The following ZPLD1 variants were observed in gnomAD, a reference collection of about 807,000 sequenced individuals.
ZPLD1 encodes the protein zona pellucida-like domain-containing protein 1.
Under a neutral mutation model 47.2 loss-of-function variants are expected in ZPLD1, and 34 were observed. The observed-to-expected ratio is 0.72, with a 90% CI of 0.55 to 0.96. The LOEUF is 0.96. Ranked by LOEUF, ZPLD1 falls within the 40% of genes least tolerant of loss-of-function variation. The probability of loss-of-function intolerance (pLI) is 0.00; values close to 1 mark genes in which losing one functional copy is unlikely to be tolerated. For missense variants in ZPLD1, 512 were observed against 505.8 expected (o/e 1.01, Z -0.12); for synonymous variants, 176 against 186.2 (o/e 0.95, Z 0.45).
chr3:102,393,256 A>G (rs1706519133), intron 7 of ZPLD1, among the ~76,000 whole-genome samples: 1 of 152,162 alleles, frequency 6.6e-6, no homozygotes, highest in African/African-American at 2.4e-5. Flanking sequence ...AAAGCCAACT[A>G]CCGGCCCAGA....
chr3:102,440,119 T>C (rs1451961879), intron 3 of ZPLD1, among the ~76,000 whole-genome samples: 1 of 152,200 alleles, frequency 6.6e-6, no homozygotes. Flanking sequence ...GGTGAGAACA[T>C]GTGTTATGTA....
At chr3:102,396,671 G>GCAATCTC (rs1462597683) in intron 7 of ZPLD1, among the ~76,000 whole-genome samples, 1 of 152,138 alleles carries the variant, frequency 6.6e-6, no homozygotes, top group African/African-American at 2.4e-5. Flanking sequence ...AGATTGCAGG[G>GCAATCTC]TTAGCCGGTG....
At chr3:102,430,220 C>A (rs1006821426), upstream of ZPLD1, among the ~76,000 whole-genome samples, 11 of 152,098 alleles carry the variant, frequency 7.2e-5, no homozygotes, top group African/African-American at 2.7e-4. Flanking sequence ...TGTGGTCATG[C>A]GATGAATGCT....
intron 7 of ZPLD1, among the ~76,000 whole-genome samples, chr3:102,409,568 T>G (rs1317346044): frequency 6.6e-6 from 1 of 151,870 alleles, no homozygotes; most frequent in African/African-American, 2.4e-5. Context: ...AATTCCTTAA[T>G]TTCAGATTAT....
intron 5 of ZPLD1, among the ~76,000 whole-genome samples, 171 bp downstream of exon 5, chr3:102,456,545 A>ATCTATCTATC (rs1707417474): frequency 2.4e-4 from 35 of 147,144 alleles, no homozygotes; most frequent in African/African-American, 7.9e-4. Context: ...TTTATCTATT[A>ATCTATCTATC]TATCTATCTA....
At chr3:102,415,928 T>G (rs972792889) in intron 7 of ZPLD1, among the ~76,000 whole-genome samples, 3 of 151,902 alleles carry the variant, frequency 2.0e-5, no homozygotes, top group Non-Finnish European at 4.4e-5. Flanking sequence ...TCTCTGATTA[T>G]GAAACATTAA....
chr3:102,451,081 T>G (rs1056391456), intron 3 of ZPLD1, among the ~76,000 whole-genome samples: 1 of 152,190 alleles, frequency 6.6e-6, no homozygotes, highest in Non-Finnish European at 1.5e-5. Flanking sequence ...TTTTCATCTT[T>G]CTTTATAGGT....
intron 7 of ZPLD1, among the ~76,000 whole-genome samples, chr3:102,410,814 A>C (rs1706740559): frequency 6.6e-6 from 1 of 151,852 alleles, no homozygotes; most frequent in South Asian, 2.1e-4. Flanking sequence ...TGTTCATGAA[A>C]GGCTTGCTAC....
At chr3:102,467,836 T>TACACACACAC (rs61096565) in intron 8 of ZPLD1, among the ~76,000 whole-genome samples, 1,423 of 140,952 alleles carry the variant, frequency 0.01, 13 homozygotes, top group African/African-American at 0.019. Flanking sequence ...AATAAAACTG[T>TACACACACAC]ACACACACAC....
At chr3:102,471,665 A>T (rs1220261773) in intron 10 of ZPLD1, among the ~76,000 whole-genome samples, 1 of 151,756 alleles carries the variant, frequency 6.6e-6, no homozygotes, top group South Asian at 2.1e-4. Context: ...GGCATAAAAA[A>T]CTCTGAAACT....
chr3:102,403,420 A>T (rs1706646589), intron 7 of ZPLD1, among the ~76,000 whole-genome samples: 1 of 151,992 alleles, frequency 6.6e-6, no homozygotes. Flanking sequence ...CCTCTTCAAC[A>T]TATATGTAAC....
chr3:102,397,507 C>T (rs1706571584), intron 7 of ZPLD1, among the ~76,000 whole-genome samples: 1 of 152,046 alleles, frequency 6.6e-6, no homozygotes, highest in South Asian at 2.1e-4. Flanking sequence ...ATCTAGGTGC[C>T]TTTCTCAGCT....
chr3:102,419,869 A>AT (rs377245145), intron 8 of ZPLD1, among the ~76,000 whole-genome samples: 3,258 of 134,870 alleles, frequency 0.024, 75 homozygotes, highest in African/African-American at 0.062. Flanking sequence ...CAAGGAACTC[A>AT]TTTTTTTTTT....
At position 102,468,865 on chromosome 3, in the gene ZPLD1, T is replaced by C. The variant is rs191580934; in HGVS notation, c.762-99T>C. 1.3e-4 allele frequency: 148 copies of C among 1,132,552 alleles called. No individual in the cohort carries two copies. In the East Asian group the frequency reaches 3.3e-3, roughly 25 times the overall value. 70.2% of individuals were successfully genotyped at this position (1,132,552 alleles called of 1,614,324 possible). A position where few individuals can be genotyped will look rare whatever the true frequency, so the allele number is the denominator to read the frequency against. On this transcript the variant is annotated intron_variant, in intron 8 of 11. Transcript: ENST00000466937. ...GTGGCATGGTTCTGTTAGCTCTTAA[T>C]GTAATGGCGGAGTCTTAATACGGTA...
intron 7 of ZPLD1, among the ~76,000 whole-genome samples, chr3:102,405,847 C>T (rs541980039): frequency 9.2e-5 from 14 of 152,034 alleles, no homozygotes; most frequent in South Asian, 4.1e-4. Flanking sequence ...GCTAACCAGC[C>T]GGTGACCTTG....
At chr3:102,435,768 G>C (rs1047879563) in intron 1 of ZPLD1, among the ~76,000 whole-genome samples, 1 of 150,814 alleles carries the variant, frequency 6.6e-6, no homozygotes, top group Non-Finnish European at 1.5e-5. Context: ...TCAGCCTCCC[G>C]AGTAGCTGGG....
intron 4 of ZPLD1, among the ~76,000 whole-genome samples, chr3:102,455,260 A>G (rs74506080): frequency 0.093 from 14,151 of 152,262 alleles, 882 homozygotes; most frequent in Middle Eastern, 0.14. Context: ...TGTATTTGAC[A>G]AGGTCGAAGA....
intron 7 of ZPLD1, among the ~76,000 whole-genome samples, chr3:102,463,121 A>G (rs994560440): frequency 6.6e-6 from 1 of 152,082 alleles, no homozygotes; most frequent in Non-Finnish European, 1.5e-5. Flanking sequence ...TTTCATTGGC[A>G]TTCGCTTCCC....
Position 102,478,786 on chromosome 3 carries a change from C to T in ZPLD1, c.*1168C>T, listed in dbSNP as rs1180966111. The T allele has an allele frequency of 6.6e-6, 1 of 152,050 alleles. No individual in the cohort carries two copies. The highest frequency in any genetic ancestry group is 1.9e-4 in the East Asian group (1 of 5,202). The allele number at this position is 152,050 out of a possible 1,614,324, so 9.4% of individuals were successfully genotyped here. ...CAGCCCATGTTCTTACAAAAAAAAT[C>T]AACATTCTCTTTGTTTAAGCTACCT... On this transcript the variant is annotated 3_prime_UTR_variant, in exon 12 of 12. Transcript: ENST00000466937.
Sources: gnomAD v4.1 joint callset for allele counts (sites outside exome capture counted in the v4.1 genomes callset) on GRCh38, gnomAD v4.1.1 for gene constraint, MANE v1.5 for transcripts, NCBI Gene and HGNC (gene_info 2026-07-23, HGNC 2026-07-21) for gene names.